SUGP2: variants seen among roughly 807,000 people sequenced by gnomAD.
SUGP2 encodes the protein SURP and G-patch domain containing 2.
Under a neutral mutation model 90.5 loss-of-function variants are expected in SUGP2, and 24 were observed. The ratio of observed to expected loss-of-function variants is 0.27; its 90% CI spans 0.19 to 0.37. SUGP2 has a LOEUF of 0.37. Ranked by LOEUF, SUGP2 falls within the 10% of genes least tolerant of loss-of-function variation. The pLI is 1.00. For missense variants in SUGP2, 1,233 were observed against 1,363.3 expected, an observed-to-expected ratio of 0.90 and a Z score of 1.51; for synonymous variants, 473 against 513.4, an observed-to-expected ratio of 0.92 and a Z score of 1.06.
intron 2 of SUGP2, 58 bp downstream of exon 2, chr19:19,030,893 T>G: frequency 1.3e-6 from 2 of 1,546,172 alleles, no homozygotes; most frequent in Admixed American, 2.0e-5. Flanking sequence ...CTTCCTGCCT[T>G]GGCCCTAAGA....
intron 8 of SUGP2, among the ~76,000 whole-genome samples, chr19:18,996,824 G>A (rs574007576): frequency 8.5e-5 from 13 of 152,296 alleles, no homozygotes; most frequent in African/African-American, 2.4e-4. Context: ...ACAAAGTGCT[G>A]GGATTACAGG....
chr19:19,030,823 C>A, intron 2 of SUGP2, 128 bp downstream of exon 2: 1 of 1,124,770 alleles, frequency 8.9e-7, no homozygotes, highest in Non-Finnish European at 1.3e-6. Flanking sequence ...CCTTTACCTC[C>A]TCCTAAATAA....
chr19:19,019,916 C>T (rs1403827647), intron 3 of SUGP2, among the ~76,000 whole-genome samples: 1 of 113,470 alleles, frequency 8.8e-6, no homozygotes, highest in South Asian at 3.0e-4. Flanking sequence ...GGAGGCTGAG[C>T]GGGGTGGATT....
intron 6 of SUGP2, among the ~76,000 whole-genome samples, chr19:19,007,905 G>T (rs2058149806): frequency 6.6e-6 from 1 of 151,932 alleles, no homozygotes; most frequent in African/African-American, 2.4e-5. Flanking sequence ...GATTACAGGT[G>T]CTTGCCACCA....
At chr19:18,995,099 G>T in intron 9 of SUGP2, 45 bp downstream of exon 9, 1 of 1,598,102 alleles carries the variant, frequency 6.3e-7, no homozygotes, top group Non-Finnish European at 8.5e-7. Flanking sequence ...CAGGTGGAAG[G>T]ACTGAGGCCC....
intron 3 of SUGP2, among the ~76,000 whole-genome samples, chr19:19,019,471 G>C (rs1470563440): frequency 6.6e-6 from 1 of 152,162 alleles, no homozygotes; most frequent in Non-Finnish European, 1.5e-5. Flanking sequence ...TGACTGGACA[G>C]AGCAATTTAT....
intron 4 of SUGP2, among the ~76,000 whole-genome samples, chr19:19,017,089 A>G (rs2058526062): frequency 6.6e-6 from 1 of 152,186 alleles, no homozygotes; most frequent in Non-Finnish European, 1.5e-5. Context: ...GTACAATCTG[A>G]CTACCAAAAA....
intron 7 of SUGP2, among the ~76,000 whole-genome samples, chr19:19,003,775 C>A (rs2057944218): frequency 6.6e-6 from 1 of 152,224 alleles, no homozygotes; most frequent in Non-Finnish European, 1.5e-5. Context: ...CTGCTCTGTT[C>A]CCATCTCACT....
chr19:19,002,783 G>T (rs1256833991), intron 7 of SUGP2, among the ~76,000 whole-genome samples: 1 of 151,762 alleles, frequency 6.6e-6, no homozygotes, highest in Non-Finnish European at 1.5e-5. Context: ...AGAGTGCTGG[G>T]ATTACAGGTG....
In SUGP2 at chr19:19,009,973, G is replaced by C. The variant is rs1158791212; in HGVS notation, c.2220C>G (p.Asp740Glu). Reference protein sequence around the residue: ...RNDAAKDCPPDPVGPSPQDPS... With the variant: ...RNDAAKDCPPEPVGPSPQDPS... The stretch of plus-strand genomic sequence containing the variant: ...GGTCCTGAGGAGAAGGTCCAACTGG[G>C]TCTGGCGGGCAGTCCTTGGCAGCAT... Residue 740 changes from aspartate to glutamate, a missense_variant, in exon 5 of 11, where the codon GAC becomes GAG. By Grantham distance (45) the Asp-to-Glu change is conservative (BLOSUM62 2). Coordinates refer to ENST00000452918, the MANE Select transcript of SUGP2 (RefSeq NM_001017392.5). 6.2e-7 allele frequency: 1 copy of C among 1,614,192 alleles called. No homozygotes were observed. The highest frequency in any genetic ancestry group is 2.2e-5 in the East Asian group (1 of 44,880).
At position 19,031,102 on chromosome 19, in the gene SUGP2, A is replaced by C. The variant is rs1189415938; in HGVS notation, c.-11-20T>G. ...TTTGCCCTATGGTGAGAGAGAAAAA[A>C]ATACACTAAGAGCAACAACTTGGAG... is the stretch of plus-strand genomic sequence containing the variant. On this transcript the variant is annotated intron_variant, in intron 1 of 10. Transcript: ENST00000452918. 1 of 1,604,494 alleles carries C rather than the reference A, an allele frequency of 6.2e-7. No individual in the cohort carries two copies. The highest frequency in any genetic ancestry group is 1.7e-5 in the Admixed American group (1 of 57,302).
chr19:19,019,198 CACT>C lies in SUGP2; in HGVS notation c.1758_1760del (p.Val587del). The C allele has an allele frequency of 6.2e-7, 1 of 1,614,066 alleles. No homozygotes were observed. Among genetic ancestry groups the C allele is most frequent in the Non-Finnish European group, 8.5e-7 (1 of 1,179,942 alleles). ...GTTTCACAAGCTGGTCGATGGTGCC[CACT>C]ACCCTGTGATCTGCTCGCTGGGGGA... On this transcript the variant is annotated inframe_deletion, in exon 4 of 11. Coordinates refer to ENST00000452918, the MANE Select transcript of SUGP2 (RefSeq NM_001017392.5).
At chr19:18,994,237 T>A in intron 10 of SUGP2, 129 bp downstream of exon 10, 3 of 1,266,320 alleles carry the variant, frequency 2.4e-6, no homozygotes, top group Non-Finnish European at 3.3e-6. Flanking sequence ...CCTCACAGAA[T>A]TTTGTGATTT....
chr19:19,024,134 G>C (rs1251063147), intron 3 of SUGP2, among the ~76,000 whole-genome samples: 4 of 152,290 alleles, frequency 2.6e-5, no homozygotes, highest in African/African-American at 4.8e-5. Flanking sequence ...TTCTGAGACA[G>C]AGTCTTGCTC....
In SUGP2 at chr19:18,991,018, A is replaced by C. The variant is rs2057338736; in HGVS notation, c.*2723T>G. ...ACATCACAAATGTCTTCTAGGCTTT[A>C]TCAAGGACCAAAAACACTACAATTC... On this transcript the variant is annotated 3_prime_UTR_variant, in exon 11 of 11. Transcript: ENST00000452918. 6.6e-6 allele frequency: 1 copy of C among 152,240 alleles called. No individual in the cohort carries two copies. The highest frequency in any genetic ancestry group is 2.4e-5 in the African/African-American group (1 of 41,462). The allele number at this position is 152,240 out of a possible 1,614,324, so 9.4% of individuals were successfully genotyped here.
intron 6 of SUGP2, among the ~76,000 whole-genome samples, chr19:19,006,372 C>T (rs535223981): frequency 6.4e-4 from 98 of 152,242 alleles, no homozygotes; most frequent in African/African-American, 2.3e-3. Context: ...CATTTACAAG[C>T]ATGGCTGGAT....
At chr19:18,994,102 G>A (rs141509140) in intron 10 of SUGP2, 2 of 363,170 alleles carry the variant, frequency 5.5e-6, no homozygotes, top group African/African-American at 2.1e-5. Context: ...AGGCCTTGAG[G>A]GGCTCACAGC....
At chr19:18,996,128 G>C (rs2057572022) in intron 8 of SUGP2, among the ~76,000 whole-genome samples, 1 of 152,228 alleles carries the variant, frequency 6.6e-6, no homozygotes, top group Non-Finnish European at 1.5e-5. Flanking sequence ...TGGGCGTGGT[G>C]GCTCATGCCT....
intron 5 of SUGP2, 29 bp from the exon 6 acceptor site, chr19:19,008,457 T>C: frequency 6.4e-7 from 1 of 1,569,902 alleles, no homozygotes; most frequent in East Asian, 2.2e-5. Context: ...CTGTCAGGCA[T>C]GACTCCTGAG....
Sources: gnomAD v4.1 joint callset for allele counts (sites outside exome capture counted in the v4.1 genomes callset) on GRCh38, gnomAD v4.1.1 for gene constraint, MANE v1.5 for transcripts, NCBI Gene and HGNC (gene_info 2026-07-23, HGNC 2026-07-21) for gene names.